The following NUCB2 variants were observed in gnomAD, a reference collection of about 807,000 sequenced individuals.
NUCB2 encodes the protein nucleobindin-2.
Under a neutral mutation model 57.9 loss-of-function variants are expected in NUCB2, and 48 were observed. That is an observed-to-expected ratio of 0.83 (90% CI 0.66 to 1.05). The LOEUF (loss-of-function observed/expected upper bound fraction) is 1.05, where lower values mean the gene tolerates loss of function less well. Ranked by LOEUF, NUCB2 falls within the 50% of genes least tolerant of loss-of-function variation. The pLI is 0.00. For missense variants in NUCB2, 442 were observed against 476.2 expected (o/e 0.93, Z 0.67); for synonymous variants, 139 against 152.1 (o/e 0.91, Z 0.64).
In NUCB2 at chr11:17,307,023, T is replaced by A. The variant is rs530256800; in HGVS notation, c.380-2549T>A. ...AATATCTGATAATTTGAGGAAGGGCTTAAACAGTCTTAATTTTAGGGAGGG... is the reference window on the plus strand; with the variant it reads ...AATATCTGATAATTTGAGGAAGGGCATAAACAGTCTTAATTTTAGGGAGGG... On this transcript the variant is annotated intron_variant, in intron 5 of 13. Transcript: ENST00000529010. 2.4e-3 allele frequency among the ~76,000 whole-genome samples: 369 copies of A among 152,302 alleles called. 1 individual carries two copies. Among genetic ancestry groups the A allele is most frequent in the African/African-American group, 8.4e-3 (350 of 41,582 alleles).
chr11:17,310,812 T>C lies in NUCB2; in HGVS notation c.484-13T>C. 1.9e-6 allele frequency: 3 copies of C among 1,564,220 alleles called. No individual in the cohort carries two copies. Among genetic ancestry groups the C allele is most frequent in the Non-Finnish European group, 2.6e-6 (3 of 1,161,036 alleles). The stretch of plus-strand genomic sequence containing the variant: ...ATGTTTTTATTTAACTTAAATGCAT[T>C]ATTGCATTTCAGGCAACAAGTGATC... On this transcript the variant is annotated splice_polypyrimidine_tract_variant and intron_variant, in intron 6 of 13. Coordinates refer to ENST00000529010, the MANE Select transcript of NUCB2 (RefSeq NM_005013.4).
rs778745911 is a variant in NUCB2 at position 17,295,348 on chromosome 11, C to T, written c.25C>T (p.Gln9Ter). The T allele has an allele frequency of 1.9e-6, 3 of 1,611,610 alleles. No homozygotes were observed. The South Asian group carries it at 3.3e-5, about 18-fold the overall frequency. The stretch of plus-strand genomic sequence containing the variant: ...GATGAGGTGGAGGACCATCCTGCTA[C>T]AGTATTGCTTTCTCTTGATTACATG... MRWRTILL[Q>*]YCFLLITCLL... The change falls in exon 3 of 14, where the codon CAG becomes TAG. Residue 9 changes from glutamine to a stop codon, truncating the protein, a stop_gained. Coordinates refer to ENST00000529010, the MANE Select transcript of NUCB2 (RefSeq NM_005013.4). LOFTEE classifies it high-confidence loss of function.
At chr11:17,311,832 A>C in intron 8 of NUCB2, 40 bp from the exon 9 acceptor site, 1 of 1,308,122 alleles carries the variant, frequency 7.6e-7, no homozygotes, top group Non-Finnish European at 1.1e-6. Context: ...TTTCTAAGTT[A>C]TTAAAATCTA....
chr11:17,285,323 C>T (rs1179317538), intron 2 of NUCB2, among the ~76,000 whole-genome samples: 1 of 152,064 alleles, frequency 6.6e-6, no homozygotes, highest in Non-Finnish European at 1.5e-5. Flanking sequence ...GCCTATAATC[C>T]CAGCACTTTG....
chr11:17,342,048 G>A lies in NUCB2; in HGVS notation n.2626+4514G>A, dbSNP rs539005208. Among the ~76,000 whole-genome samples, 739 of 152,154 alleles carry A rather than the reference G, an allele frequency of 4.9e-3. 5 individuals carry two copies. Among genetic ancestry groups the A allele is most frequent in the African/African-American group, 0.017 (714 of 41,500 alleles). On this transcript the variant is annotated intron_variant and non_coding_transcript_variant, in intron 2 of 2. Transcript: ENST00000532240. ...CTTCTTCTGGGTTTAGTCTTGGGAG[G>A]GTGTATGCGTTGAGGAATTTATGCA...
At chr11:17,338,923 C>G (rs529997531) in intron 2 of NUCB2, among the ~76,000 whole-genome samples, 120 of 152,268 alleles carry the variant, frequency 7.9e-4, no homozygotes, top group African/African-American at 2.8e-3. Context: ...GTCGGCCTCC[C>G]AAAGTGTTGG....
At chr11:17,285,743 C>CAAA (rs1159389193) in intron 2 of NUCB2, among the ~76,000 whole-genome samples, 4 of 36,080 alleles carry the variant, frequency 1.1e-4, no homozygotes, top group Non-Finnish European at 2.4e-4. Context: ...GACTCCGTCT[C>CAAA]AAAAAAAAAA....
intron 3 of NUCB2, chr11:17,295,695 T>C (rs1945717834): frequency 2.1e-6 from 1 of 475,474 alleles, no homozygotes; most frequent in African/African-American, 2.0e-5. Context: ...CATTACACAA[T>C]ATTTATTTAA....
chr11:17,297,769 G>GT (rs57519658), intron 4 of NUCB2, among the ~76,000 whole-genome samples: 177 of 152,150 alleles, frequency 1.2e-3, no homozygotes, highest in African/African-American at 3.8e-3. Context: ...CCAAAATGAA[G>GT]TTAAACAGTT....
At position 17,322,733 on chromosome 11, in the gene NUCB2, A is replaced by T. The variant is rs187383392; in HGVS notation, c.1002+7258A>T. Reference sequence around the variant, plus strand: ...ATCCTTGAACATAGAATATCTTTCCATTTTTTGATGTCCTCTTCAATTTCT... The same window carrying T: ...ATCCTTGAACATAGAATATCTTTCCTTTTTTTGATGTCCTCTTCAATTTCT... On this transcript the variant is annotated intron_variant, in intron 11 of 13. Coordinates refer to ENST00000529010, the MANE Select transcript of NUCB2 (RefSeq NM_005013.4). Among the ~76,000 whole-genome samples the T allele has an allele frequency of 1.5e-3, 231 of 151,448 alleles. 1 individual carries two copies. Among genetic ancestry groups the T allele is most frequent in the Middle Eastern group, 6.8e-3 (2 of 294 alleles).
At chr11:17,341,196 C>T (rs1282710170) in intron 2 of NUCB2, among the ~76,000 whole-genome samples, 1 of 151,782 alleles carries the variant, frequency 6.6e-6, no homozygotes, top group Admixed American at 6.6e-5. Flanking sequence ...AGTTGCCTAT[C>T]AGCTTAAGGA....
chr11:17,281,774 T>G (rs1942617646), intron 1 of NUCB2, among the ~76,000 whole-genome samples: 1 of 152,120 alleles, frequency 6.6e-6, no homozygotes, highest in African/African-American at 2.4e-5. Flanking sequence ...ATTACTCTCC[T>G]GCATAGATTA....
intron 5 of NUCB2, among the ~76,000 whole-genome samples, chr11:17,302,238 G>A (rs562287901): frequency 1.3e-4 from 20 of 152,060 alleles, no homozygotes; most frequent in Non-Finnish European, 8.8e-5. Flanking sequence ...ATATTAGTAC[G>A]TGCCATCTAT....
intron 1 of NUCB2, among the ~76,000 whole-genome samples, chr11:17,282,254 ATATATTT>A (rs1162170441): frequency 1.9e-5 from 2 of 107,902 alleles, no homozygotes; most frequent in African/African-American, 8.4e-5. Flanking sequence ...ATATATATAT[ATATATTT>A]TTTTTTTTTT....
Position 17,276,754 on chromosome 11 carries a change from G to C in NUCB2, c.-230G>C, listed in dbSNP as rs1283521558. 6.5e-6 allele frequency: 1 copy of C among 152,692 alleles called. No individual in the cohort carries two copies. Among genetic ancestry groups the C allele is most frequent in the Non-Finnish European group, 1.5e-5 (1 of 68,426 alleles). The allele number at this position is 152,692 out of a possible 1,614,324, so 9.5% of individuals were successfully genotyped here. On this transcript the variant is annotated 5_prime_UTR_variant, in exon 1 of 14. Transcript: ENST00000529010. ...GAGGAGGGGCAGAGCGGAGCGGTGG[G>C]CCGGGGGCTGGAGGACAGGTTTGTG... is the stretch of plus-strand genomic sequence containing the variant.
intron 2 of NUCB2, among the ~76,000 whole-genome samples, chr11:17,337,847 C>G (rs1951939201): frequency 6.6e-6 from 1 of 152,056 alleles, no homozygotes; most frequent in South Asian, 2.1e-4. Context: ...GTTGGCTAAT[C>G]TGGTCTCAAA....
intron 2 of NUCB2, among the ~76,000 whole-genome samples, chr11:17,284,875 C>CT (rs1943356186): frequency 1.3e-5 from 2 of 152,040 alleles, no homozygotes; most frequent in African/African-American, 2.4e-5. Flanking sequence ...AGCTTACCTT[C>CT]CTCACTAGAT....
At chr11:17,300,388 T>C (rs768260352) in intron 4 of NUCB2, among the ~76,000 whole-genome samples, 2 of 152,208 alleles carry the variant, frequency 1.3e-5, no homozygotes, top group African/African-American at 4.8e-5. Context: ...ATATTTTCAT[T>C]GTTCCCCAAA....
rs558962536 is a variant in NUCB2 at position 17,311,985 on chromosome 11, T to TA, written c.820-42dup. ...CTTGTTCTCTCTCTTTTTTTCCTGT[T>TA]ACTTTCTTTCCTTTCATGTTCATTT... On this transcript the variant is annotated intron_variant, in intron 9 of 13. Coordinates refer to ENST00000529010, the MANE Select transcript of NUCB2 (RefSeq NM_005013.4). The TA allele has an allele frequency of 1.2e-4, 192 of 1,542,758 alleles. No individual in the cohort carries two copies. The African/African-American group carries it at 2.2e-3, about 18-fold the overall frequency.
Sources: allele counts gnomAD v4.1 joint callset (sites outside exome capture counted in the v4.1 genomes callset), GRCh38; gene constraint gnomAD v4.1.1; transcripts MANE v1.5; gene names NCBI Gene and HGNC (gene_info 2026-07-23, HGNC 2026-07-21).